The following PLXDC2 variants were observed in gnomAD, a reference collection of about 807,000 sequenced individuals.
PLXDC2 encodes the protein plexin domain-containing protein 2.
Under a neutral mutation model 68.9 loss-of-function variants are expected in PLXDC2, and 40 were observed. The ratio of observed to expected loss-of-function variants is 0.58; its 90% CI spans 0.45 to 0.76. The LOEUF is 0.76. PLXDC2 is among the 30% of genes least tolerant of loss of function. The pLI is 0.00. For missense variants in PLXDC2, 644 were observed against 661.9 expected, an observed-to-expected ratio of 0.97 and a Z score of 0.30; for synonymous variants, 243 against 234.2, an observed-to-expected ratio of 1.04 and a Z score of -0.34.
chr10:19,906,367 A>T (rs902986737), intron 1 of PLXDC2, among the ~76,000 whole-genome samples: 5 of 152,206 alleles, frequency 3.3e-5, no homozygotes, highest in Non-Finnish European at 7.3e-5. Context: ...GTCAGTCAGG[A>T]GGAAGATGAG....
intron 12 of PLXDC2, among the ~76,000 whole-genome samples, chr10:20,234,732 A>G (rs1312290741): frequency 6.8e-6 from 1 of 147,032 alleles, no homozygotes; most frequent in Non-Finnish European, 1.5e-5. Flanking sequence ...GCACACACAT[A>G]GAATTCTGCT....
Position 20,001,857 on chromosome 10 carries a change from G to T in PLXDC2, c.195G>T (p.Trp65Cys), listed in dbSNP as rs1348739127. ...EVDSHAYSHRWKRNLDFLKAV... is the reference protein window; with the variant it reads ...EVDSHAYSHRCKRNLDFLKAV... ...ATTCACACGCGTACAGCCACAGGTG[G>T]AAAAGAAACTTGGACTTTCTCAAGG... Residue 65 changes from tryptophan to cysteine, a missense_variant, in exon 2 of 14, where the codon TGG becomes TGT. Transcript: ENST00000377252. 1.1e-5 allele frequency: 17 copies of T among 1,613,896 alleles called. No homozygotes were observed. The highest frequency in any genetic ancestry group is 1.4e-5 in the Non-Finnish European group (17 of 1,180,002).
rs999455789 is a variant in PLXDC2, at chr10:20,167,017, T to G, written c.883+2450T>G. Among the ~76,000 whole-genome samples, 3 of 152,158 alleles carry G rather than the reference T, an allele frequency of 2.0e-5. No homozygotes were observed. In the South Asian group the frequency reaches 6.2e-4, roughly 32 times the overall value. ...CAAACGTAGAATTCAGAGAAAAATG[T>G]CCCTCACACAATTTGCATACTGGAA... On this transcript the variant is annotated intron_variant, in intron 7 of 13. Coordinates refer to ENST00000377252, the MANE Select transcript of PLXDC2 (RefSeq NM_032812.9).
chr10:20,043,553 A>G (rs1414813680), intron 2 of PLXDC2: 1 of 152,146 alleles, frequency 6.6e-6, no homozygotes, highest in Non-Finnish European at 1.5e-5. Context: ...ATTATACTGA[A>G]CTCAATTGTG....
intron 1 of PLXDC2, among the ~76,000 whole-genome samples, chr10:19,992,952 T>G (rs905671754): frequency 2.0e-5 from 3 of 152,192 alleles, no homozygotes; most frequent in African/African-American, 7.2e-5. Flanking sequence ...TCTGAACGAT[T>G]AATCAGAGGC....
intron 5 of PLXDC2, among the ~76,000 whole-genome samples, chr10:20,145,541 T>C (rs965112220): frequency 3.3e-5 from 5 of 152,070 alleles, no homozygotes; most frequent in Admixed American, 2.6e-4. Flanking sequence ...GTGCAAACAG[T>C]ACACTTTTTT....
chr10:20,142,569 C>G (rs1181631638), intron 4 of PLXDC2, among the ~76,000 whole-genome samples: 1 of 152,042 alleles, frequency 6.6e-6, no homozygotes, highest in Non-Finnish European at 1.5e-5. Context: ...AAAGTTAATT[C>G]AAAGCCAAAG....
chr10:20,211,768 C>G (rs1835072871), intron 10 of PLXDC2, 39 bp downstream of exon 10: 1 of 1,580,176 alleles, frequency 6.3e-7, no homozygotes, highest in Admixed American at 1.7e-5. Context: ...TGGGACCAAG[C>G]TGTCATATAC....
At chr10:20,145,411 G>C (rs1399722732) in intron 5 of PLXDC2, among the ~76,000 whole-genome samples, 2 of 152,168 alleles carry the variant, frequency 1.3e-5, no homozygotes, top group African/African-American at 4.8e-5. Flanking sequence ...GATACTTAAA[G>C]ATTGGAAACT....
intron 1 of PLXDC2, among the ~76,000 whole-genome samples, chr10:19,999,247 C>G (rs769334822): frequency 6.6e-5 from 10 of 152,006 alleles, no homozygotes; most frequent in Non-Finnish European, 1.2e-4. Context: ...CTGTTTTGTC[C>G]TATGTTATAA....
intron 4 of PLXDC2, among the ~76,000 whole-genome samples, chr10:20,130,344 G>T (rs1252179847): frequency 6.6e-6 from 1 of 152,028 alleles, no homozygotes; most frequent in Non-Finnish European, 1.5e-5. Flanking sequence ...ATTTTCGCAT[G>T]TTTATTGTGT....
chr10:19,834,570 CATT>C (rs1395990367), intron 1 of PLXDC2, among the ~76,000 whole-genome samples: 1 of 152,162 alleles, frequency 6.6e-6, no homozygotes, highest in Non-Finnish European at 1.5e-5. Context: ...TATTATCAGA[CATT>C]AGTAACTTTT....
intron 1 of PLXDC2, among the ~76,000 whole-genome samples, chr10:19,961,596 T>C (rs890184203): frequency 1.3e-5 from 2 of 152,218 alleles, no homozygotes; most frequent in Non-Finnish European, 2.9e-5. Context: ...TCCAGGAAGT[T>C]AGGGGAGACA....
At chr10:19,837,542 A>G (rs547529156) in intron 1 of PLXDC2, among the ~76,000 whole-genome samples, 1 of 152,036 alleles carries the variant, frequency 6.6e-6, no homozygotes, top group South Asian at 2.1e-4. Context: ...TGATAATTTT[A>G]CAATATTTAT....
intron 1 of PLXDC2, among the ~76,000 whole-genome samples, chr10:19,852,114 A>G (rs1449023886): frequency 6.6e-6 from 1 of 152,140 alleles, no homozygotes; most frequent in African/African-American, 2.4e-5. Flanking sequence ...ATTGTAAACC[A>G]TTTATCAAGG....
intron 9 of PLXDC2, among the ~76,000 whole-genome samples, chr10:20,207,810 A>G (rs975809150): frequency 1.3e-5 from 2 of 152,134 alleles, no homozygotes; most frequent in Non-Finnish European, 2.9e-5. Flanking sequence ...AGCTTGTTCA[A>G]CACAGATGGT....
intron 2 of PLXDC2, among the ~76,000 whole-genome samples, chr10:20,021,981 G>A (rs1835319600): frequency 6.6e-6 from 1 of 152,216 alleles, no homozygotes; most frequent in Admixed American, 6.5e-5. Flanking sequence ...ACAGGCGTGA[G>A]CCACCACGCC....
At chr10:20,211,133 G>C (rs1376680902) in intron 9 of PLXDC2, among the ~76,000 whole-genome samples, 1 of 152,006 alleles carries the variant, frequency 6.6e-6, no homozygotes, top group Admixed American at 6.6e-5. Flanking sequence ...GCAAGTCAAG[G>C]GCCAGTCTTT....
chr10:20,014,210 TTCCTTCCTTCCC>T lies in PLXDC2; in HGVS notation c.324+12248_324+12259del, dbSNP rs1275157642. 1.2e-3 allele frequency among the ~76,000 whole-genome samples: 167 copies of T among 142,808 alleles called. 1 individual carries two copies. Among genetic ancestry groups the T allele is most frequent in the African/African-American group, 3.3e-3 (127 of 38,954 alleles). The allele number at this position is 142,808 out of a possible 152,430, so 93.7% of individuals were successfully genotyped here. On this transcript the variant is annotated intron_variant, in intron 2 of 13. Transcript: ENST00000377252. The stretch of plus-strand genomic sequence containing the variant: ...CTCCCTCCCTTGTTTCCTTCCTTCC[TTCCTTCCTTCCC>T]TCCTTCCTTCCCTCCTTCCTTCCTT...
Sources: allele counts gnomAD v4.1 joint callset (sites outside exome capture counted in the v4.1 genomes callset), GRCh38; gene constraint gnomAD v4.1.1; transcripts MANE v1.5; gene names NCBI Gene and HGNC (gene_info 2026-07-23, HGNC 2026-07-21).